Variants in ULK4 observed in about 807,000 individuals in gnomAD.
ULK4 encodes the protein inactive serine/threonine-protein kinase ULK4.
In ULK4, 133 loss-of-function variants were observed where a neutral mutation model predicts 160.6. The observed-to-expected ratio is 0.83, with a 90% confidence interval of 0.72 to 0.96. The LOEUF is 0.96. Ranked by LOEUF, ULK4 falls within the 40% of genes least tolerant of loss-of-function variation. The probability of loss-of-function intolerance (pLI) is 0.00; values close to 1 mark genes in which losing one functional copy is unlikely to be tolerated. For synonymous variants in ULK4, 534 were observed against 539.8 expected (o/e 0.99, Z 0.15); for missense variants, 1,580 against 1,499.5 (o/e 1.05, Z -0.89).
At chr3:41,649,578 G>A (rs1016970659) in intron 30 of ULK4, among the ~76,000 whole-genome samples, 7 of 152,200 alleles carry the variant, frequency 4.6e-5, no homozygotes, top group Non-Finnish European at 7.3e-5. Flanking sequence ...CCCAGCTGGG[G>A]GTGTCCGTGC....
chr3:41,450,124 ACTAT>A (rs1328764133), intron 34 of ULK4, among the ~76,000 whole-genome samples: 1 of 152,080 alleles, frequency 6.6e-6, no homozygotes, highest in Non-Finnish European at 1.5e-5. Context: ...ATCATAGTTA[ACTAT>A]CTAGTTTAAA....
At chr3:41,873,893 TG>T (rs1436266120) in intron 17 of ULK4, among the ~76,000 whole-genome samples, 2 of 150,902 alleles carry the variant, frequency 1.3e-5, no homozygotes, top group African/African-American at 2.4e-5. Flanking sequence ...TTTTTTTTTT[TG>T]ATGTGGGAGG....
intron 35 of ULK4, among the ~76,000 whole-genome samples, chr3:41,283,239 T>C (rs1163985618): frequency 1.3e-5 from 2 of 152,198 alleles, no homozygotes; most frequent in Non-Finnish European, 2.9e-5. Flanking sequence ...GACAGCGTGG[T>C]GATTCCTCAA....
At chr3:41,665,904 AC>A (rs2035336181) in intron 29 of ULK4, among the ~76,000 whole-genome samples, 1 of 152,216 alleles carries the variant, frequency 6.6e-6, no homozygotes, top group African/African-American at 2.4e-5. Context: ...AGAAGGACTC[AC>A]AAAACTCAGA....
intron 21 of ULK4, among the ~76,000 whole-genome samples, chr3:41,775,954 G>A (rs148982897): frequency 6.6e-6 from 1 of 150,670 alleles, no homozygotes; most frequent in South Asian, 2.1e-4. Context: ...ATCATCTTAT[G>A]TTACTGCAAA....
At chr3:41,255,187 A>T (rs988215426) in intron 35 of ULK4, among the ~76,000 whole-genome samples, 1 of 151,094 alleles carries the variant, frequency 6.6e-6, no homozygotes, top group Admixed American at 6.6e-5. Flanking sequence ...TATTTTAAAT[A>T]TAAGGGCACC....
chr3:41,825,764 A>C (rs147857049), intron 18 of ULK4, among the ~76,000 whole-genome samples: 2 of 152,280 alleles, frequency 1.3e-5, no homozygotes, highest in African/African-American at 4.8e-5. Context: ...AATTTCCCCA[A>C]TCTAGCAAGG....
chr3:41,767,146 G>A (rs2039192990), intron 21 of ULK4, among the ~76,000 whole-genome samples: 1 of 152,152 alleles, frequency 6.6e-6, no homozygotes, highest in Non-Finnish European at 1.5e-5. Context: ...TTTGTTTAGT[G>A]AATGATTTAA....
At chr3:41,953,273 T>TACAC (rs1165312685) in intron 2 of ULK4, among the ~76,000 whole-genome samples, 46 of 84,374 alleles carry the variant, frequency 5.5e-4, no homozygotes, top group Admixed American at 3.3e-3. Flanking sequence ...TACACATATA[T>TACAC]ACATATATAC....
chr3:41,305,203 C>A (rs141573581), intron 35 of ULK4, among the ~76,000 whole-genome samples: 1 of 146,968 alleles, frequency 6.8e-6, no homozygotes, highest in African/African-American at 2.6e-5. Flanking sequence ...TCTCCCTCTC[C>A]CTCTCCCCAC....
intron 35 of ULK4, among the ~76,000 whole-genome samples, chr3:41,371,763 A>C (rs1223039122): frequency 6.6e-6 from 1 of 152,086 alleles, no homozygotes; most frequent in Admixed American, 6.5e-5. Flanking sequence ...ACTCCTCGCC[A>C]GTGAGGAAAC....
At chr3:41,598,552 C>T (rs755155320) in intron 31 of ULK4, among the ~76,000 whole-genome samples, 5 of 152,190 alleles carry the variant, frequency 3.3e-5, no homozygotes, top group South Asian at 2.1e-4. Context: ...ATTCTTCACA[C>T]GTAAATCATG....
At chr3:41,496,888 C>T (rs1426308852) in intron 32 of ULK4, among the ~76,000 whole-genome samples, 2 of 152,016 alleles carry the variant, frequency 1.3e-5, no homozygotes, top group East Asian at 3.9e-4. Context: ...TCTAGCTGAA[C>T]CACCAGTAAA....
At chr3:41,848,400 A>T (rs1410034038) in intron 17 of ULK4, among the ~76,000 whole-genome samples, 23 of 152,210 alleles carry the variant, frequency 1.5e-4, no homozygotes, top group Admixed American at 1.5e-3. Flanking sequence ...TTTGGTCACC[A>T]GTCATCCAGC....
chr3:41,537,046 C>A (rs533625801), intron 32 of ULK4, among the ~76,000 whole-genome samples: 1 of 152,206 alleles, frequency 6.6e-6, no homozygotes, highest in African/African-American at 2.4e-5. Flanking sequence ...GACACTGCTT[C>A]TTCTACATCT....
chr3:41,262,257 G>GTCC (rs1368489389), intron 35 of ULK4, among the ~76,000 whole-genome samples: 1 of 152,174 alleles, frequency 6.6e-6, no homozygotes, highest in Non-Finnish European at 1.5e-5. Flanking sequence ...TTCTGCCATG[G>GTCC]GGGGAGCTAG....
At chr3:41,455,124 C>T (rs530422117) in intron 34 of ULK4, among the ~76,000 whole-genome samples, 15 of 152,212 alleles carry the variant, frequency 9.9e-5, no homozygotes, top group Admixed American at 7.9e-4. Context: ...TGTGTCTGTG[C>T]TTTTGCATTT....
chr3:41,436,865 A>G (rs2125852318), intron 34 of ULK4, among the ~76,000 whole-genome samples: 1 of 152,314 alleles, frequency 6.6e-6, no homozygotes, highest in African/African-American at 2.4e-5. Context: ...GCCACAAGTA[A>G]TATTTATGAA....
intron 22 of ULK4, among the ~76,000 whole-genome samples, chr3:41,736,616 C>A (rs1438554420): frequency 6.6e-6 from 1 of 151,620 alleles, no homozygotes; most frequent in African/African-American, 2.4e-5. Context: ...GAGTAGGTTG[C>A]AAAAATTTTC....
Sources: gnomAD v4.1 joint callset for allele counts (sites outside exome capture counted in the v4.1 genomes callset) on GRCh38, gnomAD v4.1.1 for gene constraint, MANE v1.5 for transcripts, NCBI Gene and HGNC (gene_info 2026-07-23, HGNC 2026-07-21) for gene names.